PINX1: variants seen among roughly 807,000 people sequenced by gnomAD.
The protein encoded by PINX1 is PIN2/TERF1-interacting telomerase inhibitor 1.
PINX1 carries 34 observed loss-of-function variants against 25.4 expected under a neutral mutation model. That is an observed-to-expected ratio of 1.34 (90% CI 1.02 to 1.78). The LOEUF (loss-of-function observed/expected upper bound fraction) is 1.78, where lower values mean the gene tolerates loss of function less well. PINX1 is among the 40% of genes most tolerant of loss of function. The probability of loss-of-function intolerance (pLI) is 0.00; values close to 1 mark genes in which losing one functional copy is unlikely to be tolerated. For missense variants in PINX1, 592 were observed against 404.9 expected, an observed-to-expected ratio of 1.46 and a Z score of -3.97; for synonymous variants, 197 against 147.7, an observed-to-expected ratio of 1.33 and a Z score of -2.42.
chr8:10,817,726 G>C (rs1454386604), intron 6 of PINX1, among the ~76,000 whole-genome samples: 1 of 152,078 alleles, frequency 6.6e-6, no homozygotes, highest in African/African-American at 2.4e-5. Flanking sequence ...CTCAGCCCCC[G>C]CCCAGGCTTC....
intron 5 of PINX1, among the ~76,000 whole-genome samples, chr8:10,820,681 G>A (rs1363086538): frequency 6.6e-6 from 1 of 152,014 alleles, no homozygotes; most frequent in Non-Finnish European, 1.5e-5. Context: ...AAATACACAT[G>A]AAAAAATATC....
At chr8:10,795,690 T>C (rs1802063254) in intron 6 of PINX1, among the ~76,000 whole-genome samples, 2 of 152,236 alleles carry the variant, frequency 1.3e-5, no homozygotes, top group African/African-American at 2.4e-5. Context: ...TTATGACTTA[T>C]TTTTATAGTC....
At chr8:10,832,410 G>A (rs962176968) in intron 3 of PINX1, among the ~76,000 whole-genome samples, 1 of 152,126 alleles carries the variant, frequency 6.6e-6, no homozygotes, top group Admixed American at 6.5e-5. Context: ...TAAGGTAAAG[G>A]AATATGAAAT....
intron 1 of PINX1, among the ~76,000 whole-genome samples, chr8:10,835,046 T>C (rs1197625898): frequency 1.3e-5 from 2 of 152,192 alleles, no homozygotes; most frequent in Non-Finnish European, 2.9e-5. Flanking sequence ...AAATGCTCAA[T>C]ATACTAGAGC....
At chr8:10,818,054 G>A (rs558700531) in intron 6 of PINX1, among the ~76,000 whole-genome samples, 1 of 152,254 alleles carries the variant, frequency 6.6e-6, no homozygotes, top group Admixed American at 6.5e-5. Flanking sequence ...AGCTCATTAG[G>A]CAATGCCAGG....
rs371413038 is a variant in PINX1 at position 10,779,261 on chromosome 8, C to T, written c.472-13345G>A. On this transcript the variant is annotated intron_variant, in intron 6 of 6. Coordinates refer to ENST00000314787, the MANE Select transcript of PINX1 (RefSeq NM_017884.6). ...TGGGCGTCAGGTTCCACTTAAAGGC[C>T]GTGCAAAGTTCAAACCACAGAACCA... Among the ~76,000 whole-genome samples, 9 of 152,118 alleles carry T rather than the reference C, an allele frequency of 5.9e-5. No homozygotes were observed. In the East Asian group the frequency reaches 9.6e-4, roughly 16 times the overall value.
chr8:10,803,110 CA>C (rs1485956609), intron 6 of PINX1, among the ~76,000 whole-genome samples: 1 of 152,070 alleles, frequency 6.6e-6, no homozygotes, highest in African/African-American at 2.4e-5. Flanking sequence ...CAAAAAATTT[CA>C]AATATACAAA....
At chr8:10,812,687 G>A (rs1048076078) in intron 6 of PINX1, among the ~76,000 whole-genome samples, 7 of 152,270 alleles carry the variant, frequency 4.6e-5, no homozygotes, top group Middle Eastern at 3.4e-3. Context: ...TTCCCTGAAC[G>A]TACTCCTTGA....
chr8:10,767,188 A>C (rs576785319), intron 6 of PINX1, among the ~76,000 whole-genome samples: 64 of 152,324 alleles, frequency 4.2e-4, no homozygotes, highest in Non-Finnish European at 7.3e-4. Context: ...ATGATCCTAA[A>C]CTTGGCTGGC....
At position 10,772,931 on chromosome 8, in the gene PINX1, T is replaced by G. The variant is rs548624777; in HGVS notation, c.472-7015A>C. On this transcript the variant is annotated intron_variant, in intron 6 of 6. Transcript: ENST00000314787. ...CCGTGGGCCTAGTTTTTAATGATTT[T>G]TTTTTTTTTTTACCATTTCTAAATG... 3.3e-5 allele frequency among the ~76,000 whole-genome samples: 5 copies of G among 152,076 alleles called. No homozygotes were observed. In the South Asian group the frequency reaches 1.0e-3, roughly 32 times the overall value.
chr8:10,765,123 TG>T lies in PINX1; in HGVS notation c.*277del. 1 of 425,840 alleles carries T rather than the reference TG, an allele frequency of 2.3e-6. No homozygotes were observed. The highest frequency in any genetic ancestry group is 2.0e-5 in the African/African-American group (1 of 50,224). 26.4% of individuals were successfully genotyped at this position (425,840 alleles called of 1,614,324 possible). ...GCACACTTACATGAATGCATGTATT[TG>T]TAATGATTATAATTAAACTCTCTTG... On this transcript the variant is annotated 3_prime_UTR_variant, in exon 7 of 7. Coordinates refer to ENST00000314787, the MANE Select transcript of PINX1 (RefSeq NM_017884.6).
chr8:10,804,797 G>C (rs1039806348), intron 6 of PINX1, among the ~76,000 whole-genome samples: 2 of 151,450 alleles, frequency 1.3e-5, no homozygotes, highest in African/African-American at 4.9e-5. Context: ...AACAACTCTA[G>C]CTAAGTAAGA....
intron 6 of PINX1, among the ~76,000 whole-genome samples, chr8:10,796,066 A>G (rs1194321000): frequency 6.6e-6 from 1 of 152,204 alleles, no homozygotes; most frequent in Non-Finnish European, 1.5e-5. Context: ...GTGGTGAAAG[A>G]GCTTAGAGAT....
chr8:10,821,690 G>C (rs1586195609), intron 5 of PINX1, among the ~76,000 whole-genome samples: 1 of 152,190 alleles, frequency 6.6e-6, no homozygotes, highest in African/African-American at 2.4e-5. Flanking sequence ...TTTGCTGCCA[G>C]CACAACCCAT....
At chr8:10,771,746 G>A (rs1045222807) in intron 6 of PINX1, among the ~76,000 whole-genome samples, 5 of 152,206 alleles carry the variant, frequency 3.3e-5, no homozygotes, top group Non-Finnish European at 7.3e-5. Flanking sequence ...TGTCCAGAAG[G>A]GGTGTGGGAG....
At chr8:10,810,383 C>T (rs1797458105) in intron 6 of PINX1, among the ~76,000 whole-genome samples, 1 of 152,164 alleles carries the variant, frequency 6.6e-6, no homozygotes, top group Non-Finnish European at 1.5e-5. Flanking sequence ...CTTTTGATGC[C>T]TTGTCCAGCC....
chr8:10,798,608 G>A (rs572288795), intron 6 of PINX1, among the ~76,000 whole-genome samples: 4 of 152,198 alleles, frequency 2.6e-5, no homozygotes, highest in South Asian at 2.1e-4. Flanking sequence ...ACCGATGGCC[G>A]TTTAGGAAAG....
chr8:10,776,014 A>C (rs1337344029), intron 6 of PINX1, among the ~76,000 whole-genome samples: 1 of 152,156 alleles, frequency 6.6e-6, no homozygotes, highest in African/African-American at 2.4e-5. Context: ...ACTCTATGGA[A>C]TCCACTTTGA....
chr8:10,837,141 G>C (rs746970148), intron 1 of PINX1, among the ~76,000 whole-genome samples: 28 of 152,232 alleles, frequency 1.8e-4, no homozygotes, highest in Admixed American at 8.5e-4. Flanking sequence ...TTATGCAAAT[G>C]ATACAGTTTA....
Sources: gnomAD v4.1 joint callset for allele counts (sites outside exome capture counted in the v4.1 genomes callset) on GRCh38, gnomAD v4.1.1 for gene constraint, MANE v1.5 for transcripts, NCBI Gene and HGNC (gene_info 2026-07-23, HGNC 2026-07-21) for gene names.